Variants in CPT1A observed in about 807,000 individuals in gnomAD.
CPT1A encodes carnitine palmitoyltransferase 1A.
In CPT1A, 64 loss-of-function variants were observed where a neutral mutation model predicts 100.8. The ratio of observed to expected loss-of-function variants is 0.63; its 90% CI spans 0.52 to 0.78. The LOEUF is 0.78. Among genes scored for constraint, CPT1A ranks in the 30% least tolerant of loss-of-function variants. The pLI is 0.00. For synonymous variants in CPT1A, 363 were observed against 396.0 expected, an observed-to-expected ratio of 0.92 and a Z score of 0.99; for missense variants, 802 against 1,034.1, an observed-to-expected ratio of 0.78 and a Z score of 3.08.
intron 9 of CPT1A, among the ~76,000 whole-genome samples, chr11:68,791,742 T>C (rs960494571): frequency 1.3e-5 from 2 of 151,904 alleles, no homozygotes; most frequent in African/African-American, 4.8e-5. Flanking sequence ...TGTAGACCAG[T>C]AGTAGGCTGG....
chr11:68,809,054 C>A (rs1045376721), intron 3 of CPT1A, among the ~76,000 whole-genome samples: 1 of 151,478 alleles, frequency 6.6e-6, no homozygotes, highest in African/African-American at 2.4e-5. Context: ...ACTAATTTAA[C>A]ACTGCATAAT....
intron 9 of CPT1A, 62 bp from the exon 10 acceptor site, chr11:68,785,072 C>T (rs532894711): frequency 3.9e-5 from 56 of 1,449,244 alleles, no homozygotes; most frequent in African/African-American, 2.5e-4. Context: ...CGTGCTGAGA[C>T]GACCGTACCC....
chr11:68,826,289 T>C (rs1242335618), intron 1 of CPT1A, among the ~76,000 whole-genome samples: 2 of 151,434 alleles, frequency 1.3e-5, no homozygotes, highest in Non-Finnish European at 2.9e-5. Context: ...CTACTAAAAA[T>C]ACAAAAATTA....
intron 5 of CPT1A, among the ~76,000 whole-genome samples, chr11:68,801,173 G>C (rs1462457689): frequency 6.6e-6 from 1 of 152,184 alleles, no homozygotes; most frequent in Admixed American, 6.5e-5. Flanking sequence ...AAATGCCCGT[G>C]AATGAGACAG....
At chr11:68,830,775 C>T (rs1856856377) in intron 1 of CPT1A, among the ~76,000 whole-genome samples, 1 of 152,206 alleles carries the variant, frequency 6.6e-6, no homozygotes, top group Non-Finnish European at 1.5e-5. Context: ...GCTTAAAGCT[C>T]CCAGCACTTT....
At chr11:68,805,785 G>A (rs1412212389) in intron 4 of CPT1A, among the ~76,000 whole-genome samples, 2 of 152,216 alleles carry the variant, frequency 1.3e-5, no homozygotes, top group South Asian at 2.1e-4. Flanking sequence ...AGACAGGGGT[G>A]AATAAAGCAG....
chr11:68,759,763 TCTC>T, intron 17 of CPT1A, 102 bp from the exon 18 acceptor site: 1 of 873,628 alleles, frequency 1.1e-6, no homozygotes, highest in South Asian at 1.4e-5. Flanking sequence ...CTCGGTGGCT[TCTC>T]CTTGTAATCC....
chr11:68,804,076 C>T lies in CPT1A; in HGVS notation c.479G>A (p.Arg160Gln), dbSNP rs758871741. ...CTGGAAGCTGTACAACATGGGTTTTCGGCCTGAAAAGATCTTGACCATACC... is the reference window on the plus strand; with the variant it reads ...CTGGAAGCTGTACAACATGGGTTTTTGGCCTGAAAAGATCTTGACCATACC... ...WMGMVKIFSG[R>Q]KPMLYSFQTS... is the part of the protein sequence containing the mutation. The change falls in exon 5 of 19, where the codon CGA (arginine) becomes CAA (glutamine). Residue 160 changes from arginine (R) to glutamine (Q), a missense_variant. Coordinates refer to ENST00000265641, the MANE Select transcript of CPT1A (RefSeq NM_001876.4). 5.5e-5 allele frequency: 89 copies of T among 1,613,814 alleles called. No homozygotes were observed. The highest frequency in any genetic ancestry group is 6.5e-5 in the Non-Finnish European group (77 of 1,179,864).
chr11:68,782,025 A>G, intron 10 of CPT1A, 66 bp from the exon 11 acceptor site: 1 of 1,416,022 alleles, frequency 7.1e-7, no homozygotes, highest in Non-Finnish European at 1.0e-6. Flanking sequence ...GATGTTTGAA[A>G]TGACACAATC....
intron 10 of CPT1A, 55 bp from the exon 11 acceptor site, chr11:68,782,014 T>C (rs1289420499): frequency 4.1e-5 from 62 of 1,504,398 alleles, no homozygotes; most frequent in Middle Eastern, 1.7e-4. Context: ...CGATGGAGCG[T>C]GATGTTTGAA....
At chr11:68,812,792 C>T (rs1182019951) in intron 2 of CPT1A, among the ~76,000 whole-genome samples, 3 of 152,062 alleles carry the variant, frequency 2.0e-5, no homozygotes, top group Admixed American at 6.5e-5. Context: ...CCACTACTTC[C>T]GAGCCAAAAC....
chr11:68,805,945 A>G (rs1856032643), intron 4 of CPT1A, among the ~76,000 whole-genome samples: 1 of 152,080 alleles, frequency 6.6e-6, no homozygotes, highest in Non-Finnish European at 1.5e-5. Flanking sequence ...CCAGCCCCCC[A>G]GACGGAGGCC....
intron 1 of CPT1A, among the ~76,000 whole-genome samples, chr11:68,821,749 T>A (rs1382562253): frequency 6.6e-6 from 1 of 152,222 alleles, no homozygotes; most frequent in Non-Finnish European, 1.5e-5. Flanking sequence ...CTTGGTTGGT[T>A]AAATCCACAG....
At chr11:68,810,650 G>A (rs1856176247) in intron 3 of CPT1A, among the ~76,000 whole-genome samples, 1 of 152,164 alleles carries the variant, frequency 6.6e-6, no homozygotes, top group African/African-American at 2.4e-5. Context: ...CTGTCATCAG[G>A]AGACTCAGAC....
intron 14 of CPT1A, 68 bp from the exon 15 acceptor site, chr11:68,762,829 T>G: frequency 6.3e-7 from 1 of 1,594,876 alleles, no homozygotes; most frequent in Middle Eastern, 1.7e-4. Flanking sequence ...AAGGAAGGAT[T>G]GGGTAAGATT....
At chr11:68,769,451 A>C (rs1854924924) in intron 14 of CPT1A, among the ~76,000 whole-genome samples, 1 of 139,626 alleles carries the variant, frequency 7.2e-6, no homozygotes, top group African/African-American at 2.7e-5. Context: ...GAGTCTCCCC[A>C]TATTGCCCAG....
chr11:68,828,830 CT>C (rs1856809480), intron 1 of CPT1A, among the ~76,000 whole-genome samples: 1 of 152,214 alleles, frequency 6.6e-6, no homozygotes. Context: ...GCCAGCCCCA[CT>C]TCCCGTTCCT....
chr11:68,784,172 T>C (rs1855388267), intron 10 of CPT1A, among the ~76,000 whole-genome samples: 1 of 152,234 alleles, frequency 6.6e-6, no homozygotes, highest in Admixed American at 6.5e-5. Flanking sequence ...CTGATTCTTT[T>C]TCACTGAGGC....
intron 1 of CPT1A, among the ~76,000 whole-genome samples, chr11:68,834,422 G>C (rs1406064249): frequency 2.6e-5 from 4 of 151,212 alleles, no homozygotes; most frequent in Admixed American, 2.0e-4. Context: ...GGTGACAGAG[G>C]GAGACTTCGT....
Sources: gnomAD v4.1 joint callset for allele counts (sites outside exome capture counted in the v4.1 genomes callset) on GRCh38, gnomAD v4.1.1 for gene constraint, MANE v1.5 for transcripts, NCBI Gene and HGNC (gene_info 2026-07-23, HGNC 2026-07-21) for gene names.